TLL2: variants seen among roughly 807,000 people sequenced by gnomAD.
TLL2 encodes the protein tolloid like 2, also known as tolloid-like protein 2.
Under a neutral mutation model 123.0 loss-of-function variants are expected in TLL2, and 106 were observed. The observed-to-expected ratio is 0.86, with a 90% CI of 0.74 to 1.01. The LOEUF (loss-of-function observed/expected upper bound fraction) is 1.01. Among genes scored for constraint, TLL2 ranks in the 50% least tolerant of loss-of-function variants. The pLI is 0.00. For missense variants in TLL2, 1,332 were observed against 1,336.7 expected (o/e 1.00, Z 0.06); for synonymous variants, 494 against 516.8 (o/e 0.96, Z 0.60).
chr10:96,425,508 CTT>C (rs550889309), intron 5 of TLL2, among the ~76,000 whole-genome samples: 1 of 144,420 alleles, frequency 6.9e-6, no homozygotes, highest in African/African-American at 2.5e-5. Flanking sequence ...TCTATTTTTA[CTT>C]TTTTTTTTTA....
In TLL2 at chr10:96,444,742, A is replaced by T. The variant is rs144420007; in HGVS notation, c.364+1349T>A. 4.0e-3 allele frequency among the ~76,000 whole-genome samples: 609 copies of T among 152,348 alleles called. 11 individuals carry two copies. The highest frequency in any genetic ancestry group is 0.014 in the African/African-American group (583 of 41,580). ...AGATAACACTTTTAAAAGTATGATG[A>T]TATTATCACATTTATGCATTTGTGT... is the stretch of plus-strand genomic sequence containing the variant. On this transcript the variant is annotated intron_variant, in intron 3 of 20. Transcript: ENST00000357947.
intron 2 of TLL2, among the ~76,000 whole-genome samples, chr10:96,455,664 T>C (rs1847007068): frequency 6.6e-6 from 1 of 152,204 alleles, no homozygotes; most frequent in African/African-American, 2.4e-5. Flanking sequence ...ATCATGAAGT[T>C]ACCCTATATG....
At chr10:96,442,183 C>T (rs1487425494) in intron 3 of TLL2, among the ~76,000 whole-genome samples, 6 of 152,138 alleles carry the variant, frequency 3.9e-5, no homozygotes, top group Admixed American at 3.9e-4. Flanking sequence ...TCAGCCCTTT[C>T]CCCCTCCCCA....
intron 10 of TLL2, among the ~76,000 whole-genome samples, chr10:96,401,670 G>C (rs995746623): frequency 7.9e-5 from 12 of 151,954 alleles, no homozygotes; most frequent in Admixed American, 2.6e-4. Context: ...CAAATACCAG[G>C]ATCTATAATG....
intron 1 of TLL2, among the ~76,000 whole-genome samples, chr10:96,499,003 C>T (rs918449466): frequency 2.6e-5 from 4 of 152,258 alleles, no homozygotes; most frequent in Non-Finnish European, 4.4e-5. Context: ...GGCTCCAAAT[C>T]TATCCTTCTT....
chr10:96,383,037 G>A (rs1250577549), intron 16 of TLL2, among the ~76,000 whole-genome samples: 1 of 151,730 alleles, frequency 6.6e-6, no homozygotes, highest in Admixed American at 6.6e-5. Context: ...GACAGAATGG[G>A]ATGGGGGTTT....
At chr10:96,437,317 A>G (rs1226076439) in intron 3 of TLL2, among the ~76,000 whole-genome samples, 1 of 152,162 alleles carries the variant, frequency 6.6e-6, no homozygotes, top group Non-Finnish European at 1.5e-5. Context: ...TAATGGTAAC[A>G]TTTTGCAAAA....
intron 3 of TLL2, among the ~76,000 whole-genome samples, chr10:96,440,764 T>C (rs1846843656): frequency 6.6e-6 from 1 of 152,226 alleles, no homozygotes; most frequent in Admixed American, 6.5e-5. Flanking sequence ...GGTTATTGAA[T>C]GACAGCTTCC....
chr10:96,474,515 G>A (rs978539362), intron 2 of TLL2, among the ~76,000 whole-genome samples: 9 of 152,174 alleles, frequency 5.9e-5, no homozygotes, highest in Non-Finnish European at 1.2e-4. Context: ...GGAGCAGCTA[G>A]AACAGAGGCT....
At chr10:96,406,393 C>G (rs1846450136) in intron 9 of TLL2, among the ~76,000 whole-genome samples, 1 of 152,122 alleles carries the variant, frequency 6.6e-6, no homozygotes, top group Non-Finnish European at 1.5e-5. Context: ...CACGTCTCCA[C>G]TCTTCCTCAT....
intron 1 of TLL2, among the ~76,000 whole-genome samples, chr10:96,506,251 C>CAAAAAAAAAAAAA (rs1210970430): frequency 1.4e-4 from 5 of 36,740 alleles, no homozygotes; most frequent in Middle Eastern, 0.02. Context: ...GACCCCATCT[C>CAAAAAAAAAAAAA]AAAAAAAAAA....
chr10:96,382,041 G>A (rs1846190391), intron 16 of TLL2, among the ~76,000 whole-genome samples: 1 of 152,068 alleles, frequency 6.6e-6, no homozygotes, highest in African/African-American at 2.4e-5. Flanking sequence ...TGCAAGATTT[G>A]CACTTTGTTG....
rs1413943084 is a variant in TLL2 at position 96,440,281 on chromosome 10, G to T, written c.364+5810C>A. ...TTCTCCACTTTATTCTCCACACCCT[G>T]CATGGTGCCTGACTGGTGGTGAGCA... is the stretch of plus-strand genomic sequence containing the variant. On this transcript the variant is annotated intron_variant, in intron 3 of 20. Coordinates refer to ENST00000357947, the MANE Select transcript of TLL2 (RefSeq NM_012465.4). Among the ~76,000 whole-genome samples the T allele has an allele frequency of 3.3e-5, 5 of 152,170 alleles. No individual in the cohort carries two copies. The East Asian group carries it at 5.8e-4, about 18-fold the overall frequency.
intron 2 of TLL2, among the ~76,000 whole-genome samples, chr10:96,451,022 C>T (rs1846953799): frequency 6.6e-6 from 1 of 152,128 alleles, no homozygotes; most frequent in Non-Finnish European, 1.5e-5. Flanking sequence ...AAAGAATGCC[C>T]TCCAGGCCTT....
At chr10:96,483,750 G>T (rs2134106013) in intron 1 of TLL2, among the ~76,000 whole-genome samples, 2 of 152,306 alleles carry the variant, frequency 1.3e-5, no homozygotes, top group Middle Eastern at 6.8e-3. Flanking sequence ...GCCTGTGACA[G>T]AGTCTATTAT....
chr10:96,484,326 C>T (rs1327105166), intron 1 of TLL2, among the ~76,000 whole-genome samples: 1 of 152,108 alleles, frequency 6.6e-6, no homozygotes, highest in African/African-American at 2.4e-5. Context: ...TGATATGATC[C>T]AGGCTGAACA....
At chr10:96,395,082 A>T in intron 13 of TLL2, 105 bp downstream of exon 13, 1 of 1,222,436 alleles carries the variant, frequency 8.2e-7, no homozygotes, top group East Asian at 2.5e-5. Context: ...CTCTGCAGGG[A>T]GCCTTGTTTG....
chr10:96,435,518 CTAAGAAACCA>C (rs1225106797), intron 3 of TLL2, among the ~76,000 whole-genome samples: 2 of 152,108 alleles, frequency 1.3e-5, no homozygotes, highest in African/African-American at 4.8e-5. Context: ...GGTGTCATAT[CTAAGAAACCA>C]TAGCCTAATT....
At chr10:96,454,215 G>A (rs1174669379) in intron 2 of TLL2, among the ~76,000 whole-genome samples, 1 of 152,118 alleles carries the variant, frequency 6.6e-6, no homozygotes, top group African/African-American at 2.4e-5. Context: ...CTTTTGAGGG[G>A]GAATGAGATG....
Sources: gnomAD v4.1 joint callset for allele counts (sites outside exome capture counted in the v4.1 genomes callset) on GRCh38, gnomAD v4.1.1 for gene constraint, MANE v1.5 for transcripts, NCBI Gene and HGNC (gene_info 2026-07-23, HGNC 2026-07-21) for gene names.